Variants in SETBP1 observed in about 807,000 individuals in gnomAD.
SETBP1 encodes the protein SET binding protein 1, also known as SET-binding protein.
Under a neutral mutation model 101.0 loss-of-function variants are expected in SETBP1, and 9 were observed. The observed-to-expected ratio is 0.09, with a 90% CI of 0.05 to 0.16. The LOEUF is 0.16. Ranked by LOEUF, SETBP1 falls within the 10% of genes least tolerant of loss-of-function variation. The pLI, the probability that SETBP1 is intolerant of heterozygous loss-of-function variation, is 1.00. For missense variants in SETBP1, 1,858 were observed against 2,033.8 expected (o/e 0.91, Z 1.66); for synonymous variants, 818 against 788.5 (o/e 1.04, Z -0.63).
intron 1 of SETBP1, among the ~76,000 whole-genome samples, chr18:44,688,085 G>A (rs915070446): frequency 6.6e-6 from 1 of 152,182 alleles, no homozygotes; most frequent in Non-Finnish European, 1.5e-5. Context: ...GAGCATACTG[G>A]TTGGATATTT....
intron 3 of SETBP1, among the ~76,000 whole-genome samples, chr18:44,947,713 T>A (rs141706051): frequency 6.6e-6 from 1 of 151,964 alleles, no homozygotes; most frequent in African/African-American, 2.4e-5. Context: ...TCCATGTTGG[T>A]CAGGCTGGTC....
chr18:44,952,590 C>G lies in SETBP1; in HGVS notation c.3250C>G (p.Pro1084Ala). ...YLSHTLGAAS[P>A]FMRPTVPPPQ... ...ATCGCACACGCTTGGAGCAGCTTCC[C>G]CATTCATGAGGCCAACAGTGCCACC... Residue 1084 changes from proline to alanine, a missense_variant, in exon 4 of 6, where the codon CCA (proline) becomes GCA (alanine). Pro to Ala is a conservative substitution (Grantham distance 27). Around this residue, in one of 12 missense-constraint regions of SETBP1, gnomAD observed 255 missense variants for 300.1 expected, o/e 0.85. Coordinates refer to ENST00000649279, the MANE Select transcript of SETBP1 (RefSeq NM_015559.3). 1 of 1,613,758 alleles carries G rather than the reference C, an allele frequency of 6.2e-7. No homozygotes were observed. Among genetic ancestry groups the G allele is most frequent in the Non-Finnish European group, 8.5e-7 (1 of 1,179,732 alleles).
At chr18:44,999,282 T>C (rs1568019184) in intron 4 of SETBP1, among the ~76,000 whole-genome samples, 1 of 152,188 alleles carries the variant, frequency 6.6e-6, no homozygotes, top group South Asian at 2.1e-4. Flanking sequence ...CTATAGTGGC[T>C]GACCCAGGAT....
chr18:44,731,075 G>A (rs2069828644), intron 2 of SETBP1, among the ~76,000 whole-genome samples: 1 of 152,092 alleles, frequency 6.6e-6, no homozygotes, highest in South Asian at 2.1e-4. Context: ...GGGCTGGGAT[G>A]GATGCAACAG....
rs529378821 is a variant in SETBP1 at position 44,714,481 on chromosome 18, C to A, written c.486+12649C>A. On this transcript the variant is annotated intron_variant, in intron 2 of 5. Transcript: ENST00000649279. ...CCTCCCAAAGTTCTGGGATTACAGG[C>A]GTGAGCCACCGCACCTGGCCTTAGC... Among the ~76,000 whole-genome samples the A allele has an allele frequency of 2.0e-5, 3 of 152,166 alleles. No homozygotes were observed. The East Asian group carries it at 5.8e-4, about 29-fold the overall frequency.
At chr18:44,864,387 G>A (rs997895668) in intron 2 of SETBP1, among the ~76,000 whole-genome samples, 3 of 152,122 alleles carry the variant, frequency 2.0e-5, no homozygotes, top group East Asian at 1.9e-4. Context: ...GGACCCCACA[G>A]CATCCTTCAT....
intron 3 of SETBP1, among the ~76,000 whole-genome samples, chr18:44,928,585 G>C (rs1295968073): frequency 6.6e-6 from 1 of 152,210 alleles, no homozygotes; most frequent in Non-Finnish European, 1.5e-5. Flanking sequence ...ATCCTCTCCA[G>C]CACCTGTTGT....
chr18:44,893,362 T>C (rs1449647244), intron 3 of SETBP1, among the ~76,000 whole-genome samples: 1 of 152,202 alleles, frequency 6.6e-6, no homozygotes, highest in African/African-American at 2.4e-5. Flanking sequence ...CTATGAATGC[T>C]CCATTTGAAA....
At chr18:44,779,021 C>G (rs1034852493) in intron 2 of SETBP1, among the ~76,000 whole-genome samples, 28 of 152,230 alleles carry the variant, frequency 1.8e-4, no homozygotes, top group Non-Finnish European at 3.4e-4. Context: ...ATGGTTGGAG[C>G]AGCCTCTGGC....
intron 2 of SETBP1, among the ~76,000 whole-genome samples, chr18:44,714,445 G>T (rs972543372): frequency 2.6e-5 from 4 of 152,140 alleles, no homozygotes; most frequent in East Asian, 1.9e-4. Context: ...CAGATGATCC[G>T]CCCGCCTTGG....
intron 5 of SETBP1, among the ~76,000 whole-genome samples, chr18:45,046,431 T>C (rs547446758): frequency 5.3e-5 from 8 of 152,210 alleles, no homozygotes; most frequent in Non-Finnish European, 8.8e-5. Flanking sequence ...TCCAGCCTCC[T>C]TTGTTCATTA....
chr18:44,923,066 T>C (rs901795611), intron 3 of SETBP1, among the ~76,000 whole-genome samples: 1 of 152,168 alleles, frequency 6.6e-6, no homozygotes, highest in Non-Finnish European at 1.5e-5. Context: ...GGTTACTACG[T>C]TGCAAAGAAG....
intron 2 of SETBP1, among the ~76,000 whole-genome samples, chr18:44,727,404 A>C (rs1366215634): frequency 1.3e-5 from 2 of 152,174 alleles, no homozygotes; most frequent in Non-Finnish European, 2.9e-5. Flanking sequence ...CCTGTGGTTC[A>C]CAAAGACGCA....
At chr18:44,852,054 G>C (rs570851957) in intron 2 of SETBP1, among the ~76,000 whole-genome samples, 45 of 152,320 alleles carry the variant, frequency 3.0e-4, no homozygotes, top group Non-Finnish European at 6.0e-4. Flanking sequence ...CCTCAGCACC[G>C]AGGCATCCAT....
chr18:45,061,207 A>C (rs1407208997), intron 5 of SETBP1, among the ~76,000 whole-genome samples: 1 of 152,274 alleles, frequency 6.6e-6, no homozygotes, highest in East Asian at 1.9e-4. Flanking sequence ...CTATATTTGC[A>C]ATGATCACTT....
intron 2 of SETBP1, among the ~76,000 whole-genome samples, chr18:44,783,469 TC>T (rs2071176790): frequency 6.6e-6 from 1 of 152,190 alleles, no homozygotes; most frequent in Non-Finnish European, 1.5e-5. Context: ...TCCGTGGAGC[TC>T]CTTAGATGCA....
chr18:45,010,500 A>C (rs905308920), intron 4 of SETBP1, among the ~76,000 whole-genome samples: 3 of 152,260 alleles, frequency 2.0e-5, no homozygotes, highest in Non-Finnish European at 4.4e-5. Context: ...TGGATTAAGC[A>C]GGTGTTAAAA....
chr18:44,955,403 T>A (rs1178720757), intron 4 of SETBP1, among the ~76,000 whole-genome samples: 1 of 152,208 alleles, frequency 6.6e-6, no homozygotes, highest in African/African-American at 2.4e-5. Context: ...CCAACTCTGT[T>A]ACTAATTCTC....
intron 2 of SETBP1, among the ~76,000 whole-genome samples, chr18:44,772,357 C>T (rs1393202574): frequency 6.6e-6 from 1 of 152,092 alleles, no homozygotes; most frequent in African/African-American, 2.4e-5. Flanking sequence ...GAAAACACCT[C>T]GAGGACCCAC....
Sources: allele counts gnomAD v4.1 joint callset (sites outside exome capture counted in the v4.1 genomes callset), GRCh38; gene constraint gnomAD v4.1.1; regional missense constraint gnomAD v4.1.1; transcripts MANE v1.5; gene names NCBI Gene and HGNC (gene_info 2026-07-23, HGNC 2026-07-21).